MTHFD1: variants seen among roughly 807,000 people sequenced by gnomAD.
MTHFD1 encodes the protein methylenetetrahydrofolate dehydrogenase, cyclohydrolase and formyltetrahydrofolate synthetase 1, also known as C-1-tetrahydrofolate synthase, cytoplasmic.
A neutral mutation model predicts 110.3 loss-of-function variants in MTHFD1; 44 were observed. The ratio of observed to expected loss-of-function variants is 0.40; its 90% CI spans 0.31 to 0.51. The LOEUF (loss-of-function observed/expected upper bound fraction) is 0.51. Ranked by LOEUF, MTHFD1 falls within the 20% of genes least tolerant of loss-of-function variation. The pLI, the probability that MTHFD1 is intolerant of heterozygous loss-of-function variation, is 0.60. For synonymous variants in MTHFD1, 402 were observed against 428.8 expected (o/e 0.94, Z 0.77); for missense variants, 909 against 1,173.1 (o/e 0.77, Z 3.29).
intron 18 of MTHFD1, 87 bp downstream of exon 18, chr14:64,440,353 T>C (rs1596551853): frequency 2.0e-6 from 3 of 1,474,758 alleles, no homozygotes; most frequent in East Asian, 2.3e-5. Context: ...CAAAATGTAA[T>C]GCTGTACTTA....
At chr14:64,399,814 C>A (rs912420203) in intron 1 of MTHFD1, among the ~76,000 whole-genome samples, 3 of 152,016 alleles carry the variant, frequency 2.0e-5, no homozygotes, top group African/African-American at 7.2e-5. Context: ...CTTGCTCTAT[C>A]GTCCAGGCTG....
In MTHFD1 at chr14:64,459,809, T is replaced by A; in HGVS notation, c.*55T>A. 2 of 1,535,870 alleles carry A rather than the reference T, an allele frequency of 1.3e-6. No individual in the cohort carries two copies. The highest frequency in any genetic ancestry group is 1.7e-6 in the Non-Finnish European group (2 of 1,146,650). ...CTTTGAAAGTCTGGCCAGTGTCTAT[T>A]CAGGCCCACTGGGAGTTAGGAAGTA... On this transcript the variant is annotated 3_prime_UTR_variant, in exon 28 of 28. Coordinates refer to ENST00000652337, the MANE Select transcript of MTHFD1 (RefSeq NM_005956.4).
chr14:64,457,339 A>T (rs1408753984), intron 26 of MTHFD1, among the ~76,000 whole-genome samples: 1 of 152,154 alleles, frequency 6.6e-6, no homozygotes, highest in African/African-American at 2.4e-5. Flanking sequence ...CCCAGCACTC[A>T]TTCTTGTAAG....
intron 4 of MTHFD1, among the ~76,000 whole-genome samples, chr14:64,413,132 A>G (rs1233400242): frequency 2.0e-5 from 3 of 151,216 alleles, no homozygotes; most frequent in African/African-American, 7.3e-5. Flanking sequence ...TGGGCAGATC[A>G]CCTGAGGTCG....
chr14:64,439,480 C>A, intron 17 of MTHFD1: 1 of 428,686 alleles, frequency 2.3e-6, no homozygotes, highest in East Asian at 4.8e-5. Flanking sequence ...TGTATATCTC[C>A]TTGGTTTAAG....
intron 2 of MTHFD1, among the ~76,000 whole-genome samples, chr14:64,406,318 C>T (rs1428308188): frequency 1.3e-5 from 2 of 151,920 alleles, no homozygotes; most frequent in African/African-American, 4.8e-5. Flanking sequence ...GGATTACGGA[C>T]ATGAGCCACT....
At chr14:64,412,055 A>G (rs746974205) in intron 3 of MTHFD1, among the ~76,000 whole-genome samples, 50 of 152,176 alleles carry the variant, frequency 3.3e-4, no homozygotes, top group Non-Finnish European at 2.6e-4. Context: ...CCATGGTGAA[A>G]TTTTAACAGA....
chr14:64,427,087 G>A (rs1409632084), intron 11 of MTHFD1, among the ~76,000 whole-genome samples: 1 of 150,798 alleles, frequency 6.6e-6, no homozygotes, highest in Non-Finnish European at 1.5e-5. Flanking sequence ...ATGGGGGTTT[G>A]CTCTGTTGCC....
At chr14:64,388,576 G>A in intron 1 of MTHFD1, 108 bp downstream of exon 1, 1 of 1,015,414 alleles carries the variant, frequency 9.8e-7, no homozygotes, top group Non-Finnish European at 1.5e-6. Context: ...TAGCGGAAGA[G>A]TTAGGCCCAT....
chr14:64,444,773 A>C, intron 22 of MTHFD1, 39 bp downstream of exon 22: 1 of 1,605,768 alleles, frequency 6.2e-7, no homozygotes, highest in Non-Finnish European at 8.5e-7. Flanking sequence ...CCTAGAAAGC[A>C]CCACACCTTG....
At position 64,430,051 on chromosome 14, in the gene MTHFD1, C is replaced by T. The variant is rs539079287; in HGVS notation, c.1265-133C>T. 81 of 846,696 alleles carry T rather than the reference C, an allele frequency of 9.6e-5. 1 individual carries two copies. The Admixed American group carries it at 1.5e-3, about 15-fold the overall frequency. The allele number at this position is 846,696 out of a possible 1,614,324, so 52.4% of individuals were successfully genotyped here. A position where few individuals can be genotyped will look rare whatever the true frequency, so the allele number is the denominator to read the frequency against. ...AGTATTAGAAAACACTTGATCAAAA[C>T]TGTCCAAATGATTCTAAAAAATAAA... On this transcript the variant is annotated intron_variant, in intron 12 of 27. Transcript: ENST00000652337.
chr14:64,441,604 A>G (rs1013837952), intron 19 of MTHFD1, 151 bp downstream of exon 19: 91 of 690,888 alleles, frequency 1.3e-4, no homozygotes, highest in Middle Eastern at 7.7e-4. Flanking sequence ...CAGGAGATCG[A>G]GACCATCCTG....
intron 4 of MTHFD1, among the ~76,000 whole-genome samples, chr14:64,415,121 C>T (rs1453178251): frequency 1.3e-5 from 2 of 152,216 alleles, no homozygotes; most frequent in Non-Finnish European, 2.9e-5. Flanking sequence ...AGGCATGAGA[C>T]ACCTCGCCCA....
At chr14:64,440,441 C>A in intron 18 of MTHFD1, 175 bp downstream of exon 18, 1 of 788,994 alleles carries the variant, frequency 1.3e-6, no homozygotes, top group Non-Finnish European at 2.1e-6. Flanking sequence ...AAAAGTACAT[C>A]AGAGTGAATA....
rs1051539909 is a variant in MTHFD1, at chr14:64,404,963, T to TA, written c.126+4098dup. ...TCCAGCCTAAGACTCCGTCTCAATT[T>TA]AAAAAAAAAAAAGTCAAAGTGAATA... On this transcript the variant is annotated intron_variant, in intron 2 of 27. Transcript: ENST00000652337. Among the ~76,000 whole-genome samples the TA allele has an allele frequency of 3.7e-3, 533 of 144,388 alleles. 2 individuals carry two copies. Among genetic ancestry groups the TA allele is most frequent in the Non-Finnish European group, 5.5e-3 (357 of 65,430 alleles). The allele number at this position is 144,388 out of a possible 152,430, so 94.7% of individuals were successfully genotyped here.
intron 21 of MTHFD1, among the ~76,000 whole-genome samples, chr14:64,444,060 C>A (rs957886976): frequency 2.0e-5 from 3 of 146,932 alleles, no homozygotes; most frequent in Non-Finnish European, 1.5e-5. Context: ...CCCATTTGCT[C>A]ATTTCTGTGG....
intron 1 of MTHFD1, among the ~76,000 whole-genome samples, chr14:64,394,537 GGCTAA>G (rs750181444): frequency 8.6e-5 from 13 of 152,024 alleles, no homozygotes; most frequent in Non-Finnish European, 1.5e-4. Context: ...TTACTTTGCT[GGCTAA>G]GCTTTTTTTT....
At chr14:64,455,252 C>G in intron 26 of MTHFD1, 1 of 262,352 alleles carries the variant, frequency 3.8e-6, no homozygotes, top group East Asian at 9.4e-5. Context: ...CCCCACAGCC[C>G]TAGGAGGTAG....
chr14:64,430,832 C>T (rs574500710), intron 13 of MTHFD1, among the ~76,000 whole-genome samples: 1 of 152,270 alleles, frequency 6.6e-6, no homozygotes, highest in South Asian at 2.1e-4. Context: ...TTTCAGAATT[C>T]ATTTATGTAA....
Sources: gnomAD v4.1 joint callset for allele counts (sites outside exome capture counted in the v4.1 genomes callset) on GRCh38, gnomAD v4.1.1 for gene constraint, MANE v1.5 for transcripts, NCBI Gene and HGNC (gene_info 2026-07-23, HGNC 2026-07-21) for gene names.